The following FBXO11 variants were observed in gnomAD, a reference collection of about 807,000 sequenced individuals.
FBXO11 encodes F-box only protein 11.
FBXO11 carries 13 observed loss-of-function variants against 117.0 expected under a neutral mutation model. That is an observed-to-expected ratio of 0.11 (90% CI 0.07 to 0.18). FBXO11 has a LOEUF of 0.18. FBXO11 is among the 10% of genes least tolerant of loss of function. The pLI is 1.00. For synonymous variants in FBXO11, 490 were observed against 380.5 expected, an observed-to-expected ratio of 1.29 and a Z score of -3.35; for missense variants, 767 against 1,164.4, an observed-to-expected ratio of 0.66 and a Z score of 4.97.
chr2:47,882,762 C>T (rs1676528369), intron 1 of FBXO11, among the ~76,000 whole-genome samples: 1 of 152,116 alleles, frequency 6.6e-6, no homozygotes, highest in Admixed American at 6.5e-5. Flanking sequence ...AGCCATCTTC[C>T]CACCTCAGAC....
chr2:47,864,652 T>C (rs1335176848), intron 1 of FBXO11, among the ~76,000 whole-genome samples: 2 of 152,172 alleles, frequency 1.3e-5, no homozygotes, highest in Non-Finnish European at 2.9e-5. Flanking sequence ...CTAGATTTAA[T>C]AAATTATTTA....
chr2:47,816,264 C>T (rs755803306), intron 16 of FBXO11, among the ~76,000 whole-genome samples: 3 of 152,120 alleles, frequency 2.0e-5, no homozygotes, highest in Admixed American at 6.5e-5. Flanking sequence ...AGTGCCGCCT[C>T]GACTTCCTGG....
In FBXO11 at chr2:47,906,379, G is replaced by T. The variant is rs1256048103; in HGVS notation, c.-659C>A. 6.6e-6 allele frequency among the ~76,000 whole-genome samples: 1 copy of T among 152,160 alleles called. No individual in the cohort carries two copies. Among genetic ancestry groups the T allele is most frequent in the African/African-American group, 2.4e-5 (1 of 41,440 alleles). On this transcript the variant is annotated 5_prime_UTR_variant, in exon 1 of 23. Coordinates refer to ENST00000403359, the MANE Select transcript of FBXO11 (RefSeq NM_001190274.2). ...GGAGATAGGGGGAAAAAGAGGCGTC[G>T]TCCTTCCTCCTCCTTAAAGGAACCT...
At chr2:47,822,351 C>T (rs1049835947) in intron 12 of FBXO11, 48 bp from the exon 13 acceptor site, 1 of 1,280,304 alleles carries the variant, frequency 7.8e-7, no homozygotes, top group African/African-American at 1.5e-5. Flanking sequence ...TTCAGCCAAA[C>T]TTACTTGTTT....
At chr2:47,886,497 C>A (rs1244060613) in intron 1 of FBXO11, among the ~76,000 whole-genome samples, 7 of 136,954 alleles carry the variant, frequency 5.1e-5, no homozygotes, top group Non-Finnish European at 9.4e-5. Context: ...CAGAGCGAGA[C>A]TCTCAAAAAA....
In FBXO11 at chr2:47,894,049, T is replaced by C. The variant is rs188986161; in HGVS notation, c.232+11440A>G. 6.2e-3 allele frequency among the ~76,000 whole-genome samples: 949 copies of C among 152,290 alleles called. 32 individuals are homozygous for C. Among genetic ancestry groups the C allele is most frequent in the Admixed American group, 0.057 (868 of 15,292 alleles). On this transcript the variant is annotated intron_variant, in intron 1 of 22. Coordinates refer to ENST00000403359, the MANE Select transcript of FBXO11 (RefSeq NM_001190274.2). ...TATCTAAGGCTACCATATCATCAAT[T>C]TCAATCAAGTAGTTCCTGATGAACA...
At chr2:47,834,295 A>T (rs1672398373) in intron 7 of FBXO11, among the ~76,000 whole-genome samples, 1 of 152,174 alleles carries the variant, frequency 6.6e-6, no homozygotes, top group Non-Finnish European at 1.5e-5. Context: ...GGTTACAGTG[A>T]ACTGAAATTG....
intron 1 of FBXO11, among the ~76,000 whole-genome samples, chr2:47,857,564 A>G (rs536979474): frequency 2.0e-5 from 3 of 152,344 alleles, no homozygotes; most frequent in African/African-American, 7.2e-5. Flanking sequence ...TAGAAAATCA[A>G]TAAAAATAAT....
intron 1 of FBXO11, among the ~76,000 whole-genome samples, chr2:47,880,815 C>A (rs1160892074): frequency 6.6e-6 from 1 of 152,150 alleles, no homozygotes; most frequent in South Asian, 2.1e-4. Context: ...TATACCTTTT[C>A]TCTATCTTTT....
chr2:47,884,649 T>C (rs1350834503), intron 1 of FBXO11, among the ~76,000 whole-genome samples: 1 of 152,240 alleles, frequency 6.6e-6, no homozygotes, highest in Non-Finnish European at 1.5e-5. Context: ...AGAATCTCAA[T>C]GCTGAAACTC....
intron 11 of FBXO11, among the ~76,000 whole-genome samples, chr2:47,829,010 C>T (rs574909308): frequency 1.5e-4 from 23 of 148,644 alleles, no homozygotes; most frequent in Middle Eastern, 3.9e-3. Context: ...CACCTCCCAC[C>T]TCCCCACTTC....
chr2:47,902,855 T>A (rs1260461774), intron 1 of FBXO11, among the ~76,000 whole-genome samples: 1 of 152,058 alleles, frequency 6.6e-6, no homozygotes, highest in East Asian at 1.9e-4. Context: ...TGATCCACTA[T>A]TAAGTAACTC....
rs536357061 is a variant in FBXO11 at position 47,820,389 on chromosome 2, A to G, written c.1770T>C (p.His590=). 1 of 1,613,918 alleles carries G rather than the reference A, an allele frequency of 6.2e-7. No individual in the cohort carries two copies. The highest frequency in any genetic ancestry group is 1.7e-5 in the Admixed American group (1 of 60,032). ...CATAAATCCCACCATGCTGGCCATC[A>G]TGAATTTTGTTATGCCGAACAATTG... The part of the protein sequence containing the change: ...SCPIVRHNKI[H]DGQHGGIYVH... The change falls in exon 14 of 23, where the codon CAT becomes CAC. Residue 590 remains histidine (H), a synonymous_variant. Transcript: ENST00000403359.
At chr2:47,888,639 C>T (rs1558476022) in intron 1 of FBXO11, 3 of 977,596 alleles carry the variant, frequency 3.1e-6, no homozygotes, top group Middle Eastern at 5.2e-4. Flanking sequence ...TAGGCTTGTT[C>T]TTCTTTGGAA....
At chr2:47,902,917 G>A (rs1487091270) in intron 1 of FBXO11, among the ~76,000 whole-genome samples, 1 of 147,464 alleles carries the variant, frequency 6.8e-6, no homozygotes, top group African/African-American at 2.5e-5. Flanking sequence ...TTAGTAAAAG[G>A]TTAAAAAAAA....
chr2:47,862,494 G>A (rs1674853756), intron 1 of FBXO11, among the ~76,000 whole-genome samples: 1 of 152,076 alleles, frequency 6.6e-6, no homozygotes. Context: ...TTGCTATGTT[G>A]CCCAGACTGG....
chr2:47,844,320 TTGACTAGTGGGCACTTTTTCTAA>T (rs1393510352), intron 1 of FBXO11, among the ~76,000 whole-genome samples: 1 of 152,224 alleles, frequency 6.6e-6, no homozygotes, highest in Non-Finnish European at 1.5e-5. Flanking sequence ...GAGTGAGCAT[TTGACTAGTGGGCACTTTTTCTAA>T]TCTCTATGCG....
chr2:47,861,745 T>G (rs1674794104), intron 1 of FBXO11, among the ~76,000 whole-genome samples: 1 of 152,110 alleles, frequency 6.6e-6, no homozygotes, highest in African/African-American at 2.4e-5. Context: ...TCTTTTTTCC[T>G]GATAGATACA....
rs748750148 is a variant in FBXO11 at position 47,808,069 on chromosome 2, TTTAAGTTATGATG to T, written c.*36_*48del. ...TTTAAATCTTCTTCCAAAAAAGTGT[TTTAAGTTATGATG>T]TTACAATGGCAGGACTTTTTCTTTA... is the stretch of plus-strand genomic sequence containing the variant. On this transcript the variant is annotated 3_prime_UTR_variant, in exon 23 of 23. Transcript: ENST00000403359. 2 of 1,514,526 alleles carry T rather than the reference TTTAAGTTATGATG, an allele frequency of 1.3e-6. No homozygotes were observed. The highest frequency in any genetic ancestry group is 2.8e-5 in the African/African-American group (2 of 71,996). The allele number at this position is 1,514,526 out of a possible 1,614,324, so 93.8% of individuals were successfully genotyped here.
Sources: gnomAD v4.1 joint callset for allele counts (sites outside exome capture counted in the v4.1 genomes callset) on GRCh38, gnomAD v4.1.1 for gene constraint, MANE v1.5 for transcripts, NCBI Gene and HGNC (gene_info 2026-07-23, HGNC 2026-07-21) for gene names.